PCLO: variants seen among roughly 807,000 people sequenced by gnomAD.
PCLO encodes the protein piccolo presynaptic cytomatrix protein.
A neutral mutation model predicts 427.5 loss-of-function variants in PCLO; 82 were observed. The observed-to-expected ratio is 0.19, with a 90% confidence interval of 0.16 to 0.23. PCLO has a LOEUF of 0.23. PCLO is among the 10% of genes least tolerant of loss of function. PCLO has a pLI of 1.00. For missense variants in PCLO, 6,239 were observed against 6,115.9 expected, an observed-to-expected ratio of 1.02 and a Z score of -0.67; for synonymous variants, 2,357 against 2,155.4, an observed-to-expected ratio of 1.09 and a Z score of -2.59.
chr7:83,032,373 TCCCTCACTC>T (rs200376848), intron 3 of PCLO, among the ~76,000 whole-genome samples: 47 of 149,656 alleles, frequency 3.1e-4, no homozygotes, highest in African/African-American at 7.1e-4. Flanking sequence ...CATTCTCCAT[TCCCTCACTC>T]CCCTCACTCC....
At chr7:82,864,514 T>C (rs1160307462) in intron 10 of PCLO, among the ~76,000 whole-genome samples, 1 of 152,144 alleles carries the variant, frequency 6.6e-6, no homozygotes, top group African/African-American at 2.4e-5. Flanking sequence ...AATTTTCTAA[T>C]ATTAAGACAT....
At chr7:83,101,960 C>T (rs1487627796) in intron 3 of PCLO, among the ~76,000 whole-genome samples, 1 of 151,898 alleles carries the variant, frequency 6.6e-6, no homozygotes, top group African/African-American at 2.4e-5. Context: ...AAAAGAACAA[C>T]ATGATTTTAA....
At chr7:83,120,473 A>G in intron 3 of PCLO, among the ~76,000 whole-genome samples, 1 of 151,902 alleles carries the variant, frequency 6.6e-6, no homozygotes, top group South Asian at 2.1e-4. Flanking sequence ...AAAGTTACCA[A>G]TATTCAAGTA....
intron 22 of PCLO, among the ~76,000 whole-genome samples, chr7:82,778,427 G>T (rs1197733605): frequency 6.6e-6 from 1 of 152,022 alleles, no homozygotes; most frequent in Non-Finnish European, 1.5e-5. Flanking sequence ...TATACTCAAA[G>T]GAATATAAAT....
chr7:82,809,566 C>T (rs1791524730), intron 20 of PCLO, among the ~76,000 whole-genome samples: 1 of 150,800 alleles, frequency 6.6e-6, no homozygotes, highest in South Asian at 2.1e-4. Flanking sequence ...AAAAGCTTGT[C>T]CCGGAACCAT....
intron 15 of PCLO, among the ~76,000 whole-genome samples, chr7:82,837,115 G>T (rs1292492499): frequency 1.3e-5 from 2 of 151,936 alleles, no homozygotes; most frequent in Non-Finnish European, 2.9e-5. Flanking sequence ...AGGTATTAAG[G>T]CTATTTTTAA....
At chr7:83,002,513 T>G (rs1408239043) in intron 3 of PCLO, among the ~76,000 whole-genome samples, 1 of 152,104 alleles carries the variant, frequency 6.6e-6, no homozygotes, top group African/African-American at 2.4e-5. Context: ...TACTTCAATT[T>G]ATTTTAATTT....
intron 1 of PCLO, among the ~76,000 whole-genome samples, chr7:83,161,998 A>C (rs1389584454): frequency 6.6e-6 from 1 of 152,322 alleles, no homozygotes; most frequent in East Asian, 1.9e-4. Context: ...TCCATTTCCT[A>C]ACACGTCCGT....
At chr7:82,913,514 T>A (rs1475693947) in intron 7 of PCLO, among the ~76,000 whole-genome samples, 2 of 151,788 alleles carry the variant, frequency 1.3e-5, no homozygotes, top group African/African-American at 4.8e-5. Context: ...TTTCCAGAAC[T>A]CCATCTACAT....
intron 10 of PCLO, among the ~76,000 whole-genome samples, chr7:82,849,294 T>C (rs567732570): frequency 2.6e-5 from 4 of 151,984 alleles, no homozygotes; most frequent in African/African-American, 9.6e-5. Flanking sequence ...TAAAAAATTA[T>C]ACAGATAACT....
intron 22 of PCLO, among the ~76,000 whole-genome samples, chr7:82,801,311 A>G (rs1791345738): frequency 1.3e-5 from 2 of 151,386 alleles, no homozygotes. Flanking sequence ...ACCCCAAGTT[A>G]CTTTAATGTT....
At chr7:83,093,830 G>C (rs1056666757) in intron 3 of PCLO, among the ~76,000 whole-genome samples, 1 of 131,782 alleles carries the variant, frequency 7.6e-6, no homozygotes, top group African/African-American at 2.8e-5. Flanking sequence ...AAAATCCTAG[G>C]TTGTTTACTG....
chr7:82,794,646 T>C (rs768987696), intron 22 of PCLO, among the ~76,000 whole-genome samples: 11 of 151,498 alleles, frequency 7.3e-5, no homozygotes, highest in South Asian at 4.2e-4. Flanking sequence ...CTAATTTTTG[T>C]ATTTTTTGTA....
chr7:83,082,047 A>T (rs1790114135), intron 3 of PCLO, among the ~76,000 whole-genome samples: 1 of 151,552 alleles, frequency 6.6e-6, no homozygotes, highest in Non-Finnish European at 1.5e-5. Context: ...ATGAAATGAT[A>T]CTGATTGTTT....
intron 21 of PCLO, among the ~76,000 whole-genome samples, chr7:82,802,296 A>T (rs1672033217): frequency 6.6e-6 from 1 of 152,080 alleles, no homozygotes; most frequent in Admixed American, 6.6e-5. Context: ...AAAAGGGTTA[A>T]CAGAGTGCCT....
At chr7:82,769,030 C>A (rs768200334) in intron 22 of PCLO, among the ~76,000 whole-genome samples, 5 of 152,134 alleles carry the variant, frequency 3.3e-5, no homozygotes, top group Non-Finnish European at 5.9e-5. Context: ...ATGGCCCTGG[C>A]TGAACTTTAA....
At chr7:82,974,889 C>T (rs1795983062) in intron 3 of PCLO, among the ~76,000 whole-genome samples, 1 of 151,976 alleles carries the variant, frequency 6.6e-6, no homozygotes, top group South Asian at 2.1e-4. Context: ...TGCCATTCTC[C>T]TGCCTCAGCC....
At chr7:83,153,049 C>A (rs888189469) in intron 2 of PCLO, among the ~76,000 whole-genome samples, 3 of 151,854 alleles carry the variant, frequency 2.0e-5, no homozygotes, top group Non-Finnish European at 4.4e-5. Flanking sequence ...CAAGACAAAT[C>A]CAAACACTAT....
chr7:82,883,108 G>C (rs887747799), intron 9 of PCLO, among the ~76,000 whole-genome samples: 1 of 152,038 alleles, frequency 6.6e-6, no homozygotes, highest in African/African-American at 2.4e-5. Flanking sequence ...CTTATGAATA[G>C]TTTAAATCAA....
Sources: gnomAD v4.1 joint callset for allele counts (sites outside exome capture counted in the v4.1 genomes callset) on GRCh38, gnomAD v4.1.1 for gene constraint, MANE v1.5 for transcripts, NCBI Gene and HGNC (gene_info 2026-07-23, HGNC 2026-07-21) for gene names.